Variants in RTL4 observed in about 807,000 individuals in gnomAD.
RTL4 encodes the protein retrotransposon Gag like 4.
Under a neutral mutation model 5.3 loss-of-function variants are expected in RTL4, and 4 were observed. That is an observed-to-expected ratio of 0.75 (90% CI 0.37 to 1.72). RTL4 has a LOEUF of 1.72. Among genes scored for constraint, RTL4 ranks in the 40% most tolerant of loss-of-function variants. The pLI is 0.04. For missense variants in RTL4, 260 were observed against 227.1 expected (o/e 1.14, Z -0.93); for synonymous variants, 98 against 87.3 (o/e 1.12, Z -0.68).
chrX:112,220,095 C>G, the RTL4 span, among the ~76,000 whole-genome samples: 5 of 111,542 alleles, frequency 4.5e-5, no homozygotes, highest in Non-Finnish European at 7.5e-5. Flanking sequence ...TAAAGCCTGG[C>G]TTTTGACACT....
At chrX:112,345,276 C>G in the RTL4 span, among the ~76,000 whole-genome samples, 1 of 111,168 alleles carries the variant, frequency 9.0e-6, no homozygotes, top group Non-Finnish European at 1.9e-5. Flanking sequence ...ACTGTTAGAA[C>G]TCTCAGGACA....
At chrX:112,454,098 C>T (rs947528898), upstream of RTL4, among the ~76,000 whole-genome samples, 1 of 111,744 alleles carries the variant, frequency 8.9e-6, no homozygotes, top group South Asian at 3.7e-4. Context: ...TTCTTTGACT[C>T]TCTGATGGAA....
the RTL4 span, among the ~76,000 whole-genome samples, chrX:112,162,610 A>G: frequency 8.9e-6 from 1 of 111,834 alleles, no homozygotes; most frequent in African/African-American, 3.3e-5. Flanking sequence ...TTTAGATAAC[A>G]TCATATGGGG....
At chrX:112,173,927 A>T in the RTL4 span, among the ~76,000 whole-genome samples, 1 of 110,986 alleles carries the variant, frequency 9.0e-6, no homozygotes, top group Non-Finnish European at 1.9e-5. Context: ...TGACTTGAGT[A>T]ATTAAAATAT....
the RTL4 span, among the ~76,000 whole-genome samples, chrX:112,407,605 C>T: frequency 2.7e-5 from 3 of 112,670 alleles, no homozygotes; most frequent in East Asian, 8.5e-4. Context: ...GGAAACAAGC[C>T]TTACTGTCTT....
chrX:112,413,394 C>T, the RTL4 span, among the ~76,000 whole-genome samples: 1 of 111,635 alleles, frequency 9.0e-6, no homozygotes, highest in Non-Finnish European at 1.9e-5. Flanking sequence ...GAGGAGAGAT[C>T]TGCACTCCAA....
At chrX:112,265,248 C>A in the RTL4 span, among the ~76,000 whole-genome samples, 6 of 112,713 alleles carry the variant, frequency 5.3e-5, no homozygotes, top group African/African-American at 1.9e-4. Context: ...AGGTCATAAT[C>A]TTTACTTTGC....
chrX:112,090,408 A>C, the RTL4 span, among the ~76,000 whole-genome samples: 1 of 111,245 alleles, frequency 9.0e-6, no homozygotes, highest in East Asian at 2.8e-4. Flanking sequence ...ATCAGGTTGA[A>C]GGAGTTGCTT....
chrX:112,252,684 C>T, the RTL4 span, among the ~76,000 whole-genome samples: 8 of 111,411 alleles, frequency 7.2e-5, no homozygotes, highest in African/African-American at 2.6e-4. Flanking sequence ...ATGCATGACC[C>T]CTGTCCTGGA....
the RTL4 span, among the ~76,000 whole-genome samples, chrX:112,143,723 T>C: frequency 8.9e-6 from 1 of 111,921 alleles, no homozygotes; most frequent in South Asian, 3.7e-4. Flanking sequence ...AAAAGCCTTA[T>C]TAATGTAAAT....
the RTL4 span, among the ~76,000 whole-genome samples, chrX:112,169,091 TC>T: frequency 0.062 from 3,001 of 48,263 alleles, 99 homozygotes; most frequent in East Asian, 0.11. Flanking sequence ...TTCTTTTCTT[TC>T]TTTCTTTCTT....
chrX:112,267,443 T>G, the RTL4 span, among the ~76,000 whole-genome samples: 13 of 112,124 alleles, frequency 1.2e-4, no homozygotes, highest in African/African-American at 4.2e-4. Flanking sequence ...TTACTGGTTG[T>G]TCCTTCTCAG....
the RTL4 span, among the ~76,000 whole-genome samples, chrX:112,247,126 AC>A: frequency 8.9e-6 from 1 of 112,141 alleles, no homozygotes. Context: ...TCAAAGGTAA[AC>A]AAAGAAACAA....
the RTL4 span, among the ~76,000 whole-genome samples, chrX:112,263,530 T>A: frequency 8.9e-6 from 1 of 112,158 alleles, no homozygotes; most frequent in African/African-American, 3.2e-5. Flanking sequence ...CTCAACTTTG[T>A]TAGATTGCAC....
chrX:112,449,820 T>C (rs1001602154), upstream of RTL4, among the ~76,000 whole-genome samples: 2 of 112,094 alleles, frequency 1.8e-5, no homozygotes, highest in African/African-American at 6.5e-5. Context: ...TGCTAAAGTT[T>C]GGGAAGCCCG....
At chrX:112,142,626 A>G in the RTL4 span, among the ~76,000 whole-genome samples, 3,023 of 111,529 alleles carry the variant, frequency 0.027, 53 homozygotes, top group Non-Finnish European at 0.042. Context: ...AAAACAATAA[A>G]TGAGTTGTCT....
chrX:112,084,707 C>G, the RTL4 span, among the ~76,000 whole-genome samples: 1 of 111,091 alleles, frequency 9.0e-6, no homozygotes, highest in East Asian at 2.9e-4. Flanking sequence ...AAACTGCAGT[C>G]CAGCTGAGAC....
the RTL4 span, among the ~76,000 whole-genome samples, chrX:112,185,739 G>A: frequency 9.1e-6 from 1 of 109,452 alleles, no homozygotes; most frequent in Non-Finnish European, 1.9e-5. Flanking sequence ...CATTGGGCAA[G>A]TTGCTTAATC....
the RTL4 span, among the ~76,000 whole-genome samples, chrX:112,325,615 T>A: frequency 8.9e-6 from 1 of 112,265 alleles, no homozygotes; most frequent in African/African-American, 3.2e-5. Context: ...AAGCTGAAAC[T>A]GGATCCCTTC....
Sources: gnomAD v4.1 joint callset for allele counts (sites outside exome capture counted in the v4.1 genomes callset) on GRCh38, gnomAD v4.1.1 for gene constraint, MANE v1.5 for transcripts, NCBI Gene and HGNC (gene_info 2026-07-23, HGNC 2026-07-21) for gene names.